The following NBPF20 variants were observed in gnomAD, a reference collection of about 807,000 sequenced individuals.
The protein encoded by NBPF20 is NBPF member 20, also known as NBPF family member NBPF20.
A neutral mutation model predicts 68.1 loss-of-function variants in NBPF20; 90 were observed. The ratio of observed to expected loss-of-function variants is 1.32; its 90% CI spans 1.11 to 1.58. The LOEUF (loss-of-function observed/expected upper bound fraction) is 1.58, where lower values mean the gene tolerates loss of function less well. NBPF20 is among the 40% of genes most tolerant of loss of function. NBPF20 has a pLI of 0.00. For synonymous variants in NBPF20, 290 were observed against 228.1 expected (o/e 1.27, Z -2.45); for missense variants, 816 against 601.2 (o/e 1.36, Z -3.74).
At chr1:145,410,922 T>C in the NBPF20 span, among the ~76,000 whole-genome samples, 1 of 130,070 alleles carries the variant, frequency 7.7e-6, no homozygotes, top group Non-Finnish European at 1.5e-5. Context: ...TGTGTGTGTG[T>C]ATACATATAT....
At chr1:145,405,730 C>A (rs2101593069), upstream of NBPF20, 3 of 483,956 alleles carry the variant, frequency 6.2e-6, no homozygotes, top group Non-Finnish European at 7.3e-6. Context: ...ATTCGTGTAC[C>A]CTTGTGACAA....
intron 6 of NBPF20, among the ~76,000 whole-genome samples, chr1:145,399,592 T>C (rs1553664747): frequency 2.3e-5 from 3 of 132,394 alleles, no homozygotes; most frequent in Admixed American, 1.6e-4. Context: ...CCCTGGCCAA[T>C]ATGGGGAAAC....
intron 6 of NBPF20, among the ~76,000 whole-genome samples, chr1:145,399,912 T>C (rs76864764): frequency 3.8e-4 from 57 of 151,828 alleles, no homozygotes; most frequent in South Asian, 2.1e-3. Context: ...GAAAAGTTTC[T>C]GTCCTGATTT....
At chr1:145,410,797 C>CAT in the NBPF20 span, among the ~76,000 whole-genome samples, 18 of 72,954 alleles carry the variant, frequency 2.5e-4, no homozygotes, top group African/African-American at 1.2e-3. Flanking sequence ...CATATATATA[C>CAT]GTATATGTAT....
intron 73 of NBPF20, among the ~76,000 whole-genome samples, chr1:145,342,814 G>C (rs1353123211): frequency 0.048 from 4,977 of 102,656 alleles, 14 homozygotes; most frequent in Non-Finnish European, 0.063. Context: ...CACACACACA[G>C]AGAGAACGAG....
At chr1:145,291,427 T>C (rs1353739329) in exon 138 of NBPF20, 9 of 1,609,442 alleles carry the variant, frequency 5.6e-6, no homozygotes, top group Middle Eastern at 2.3e-4. Flanking sequence ...ACCCATCCTA[T>C]GTCTGGGCTT....
chr1:145,393,593 A>C (rs1188688466), intron 9 of NBPF20: 2 of 653,626 alleles, frequency 3.1e-6, no homozygotes, highest in South Asian at 3.8e-5. Flanking sequence ...GATCATGAAA[A>C]GCATGTCCTC....
At chr1:145,292,265 G>T in intron 137 of NBPF20, 116 bp downstream of exon 142, 1 of 617,322 alleles carries the variant, frequency 1.6e-6, no homozygotes, top group East Asian at 2.7e-5. Context: ...AGCAATGACA[G>T]TAGGAGTAAT....
At chr1:145,395,671 A>T (rs1662197870) in intron 7 of NBPF20, among the ~76,000 whole-genome samples, 2 of 149,258 alleles carry the variant, frequency 1.3e-5, no homozygotes, top group Non-Finnish European at 2.9e-5. Flanking sequence ...ATTTAAACAC[A>T]TCGGAGAGAA....
At position 145,393,196 on chromosome 1, in the gene NBPF20, G is replaced by C. The variant is rs1661996210; in HGVS notation, c.1094C>G (p.Ser365Ter). Residue 365 changes from serine (S) to a stop codon, truncating the protein, a stop_gained, in exon 10 of 138, where the codon TCA becomes TGA. Coordinates refer to ENST00000369373, the Ensembl canonical transcript of NBPF20. LOFTEE classifies it high-confidence loss of function. The stretch of plus-strand genomic sequence containing the variant: ...AGGAGTTGAATAACATCTATCCAGT[G>C]AGTCCTGCAAGACTTCAGGCCCTTT... The C allele has an allele frequency of 1.6e-6, 1 of 610,852 alleles. No individual in the cohort carries two copies. Among genetic ancestry groups the C allele is most frequent in the Non-Finnish European group, 2.9e-6 (1 of 348,170 alleles). 37.8% of individuals were successfully genotyped at this position (610,852 alleles called of 1,614,324 possible). A position where few individuals can be genotyped will look rare whatever the true frequency, so the allele number is the denominator to read the frequency against.
the NBPF20 span, among the ~76,000 whole-genome samples, chr1:145,422,711 G>A: frequency 6.0e-4 from 92 of 152,302 alleles, 1 homozygote; most frequent in Middle Eastern, 6.8e-3. Context: ...AATCATAGCC[G>A]GGTGGGGTGG....
At chr1:145,404,634 A>T (rs1553666515) in intron 2 of NBPF20, among the ~76,000 whole-genome samples, 3 of 152,178 alleles carry the variant, frequency 2.0e-5, no homozygotes, top group Non-Finnish European at 4.4e-5. Context: ...GAAGCCCCTC[A>T]GAGCAGGTAC....
chr1:145,393,791 A>G (rs1553662943), intron 9 of NBPF20, 93 bp downstream of exon 14: 4 of 1,357,884 alleles, frequency 2.9e-6, no homozygotes, highest in Non-Finnish European at 4.2e-6. Context: ...CTGACAAGAC[A>G]AAATCATTAT....
rs1158917317 is a variant in NBPF20, at chr1:145,402,389, G to A, written c.279-8C>T. ...ACCAGGACTTTATATTGCCTAAGGT[G>A]AGACGGTAGAGAAAATTTAAGAGTG... On this transcript the variant is annotated splice_region_variant and splice_polypyrimidine_tract_variant and intron_variant, in intron 3 of 137. Coordinates refer to ENST00000369373, the Ensembl canonical transcript of NBPF20. The A allele has an allele frequency of 1.1e-5, 17 of 1,601,712 alleles. No homozygotes were observed. The highest frequency in any genetic ancestry group is 4.5e-5 in the East Asian group (2 of 44,822).
At chr1:145,290,324 C>T (rs1487975931) in exon 138 of NBPF20, 2 of 149,318 alleles carry the variant, frequency 1.3e-5, no homozygotes, top group Non-Finnish European at 2.9e-5. Context: ...CTAGACCCCT[C>T]CTTAACCAAG....
the NBPF20 span, among the ~76,000 whole-genome samples, chr1:145,425,024 G>A: frequency 6.6e-6 from 1 of 152,132 alleles, no homozygotes; most frequent in Non-Finnish European, 1.5e-5. Flanking sequence ...CGAGGGTGGG[G>A]TGCGGGGTCA....
intron 136 of NBPF20, among the ~76,000 whole-genome samples, chr1:145,292,791 T>A (rs1661222280): frequency 1.2e-5 from 1 of 84,142 alleles, no homozygotes; most frequent in Non-Finnish European, 2.2e-5. Flanking sequence ...TACCCTCAAA[T>A]GATTTCTAGG....
chr1:145,417,367 T>G, the NBPF20 span, among the ~76,000 whole-genome samples: 1 of 145,310 alleles, frequency 6.9e-6, no homozygotes, highest in Non-Finnish European at 1.5e-5. Context: ...TCCTAAGAGA[T>G]AAAATAGGAG....
the NBPF20 span, among the ~76,000 whole-genome samples, chr1:145,419,097 A>AAGGG: frequency 1.3e-3 from 170 of 126,232 alleles, 1 homozygote; most frequent in Middle Eastern, 7.9e-3. Context: ...GGAAGGAAGG[A>AAGGG]AGGGAGGGAG....
Sources: allele counts gnomAD v4.1 joint callset (sites outside exome capture counted in the v4.1 genomes callset), GRCh38; gene constraint gnomAD v4.1.1; transcripts MANE v1.5; gene names NCBI Gene and HGNC (gene_info 2026-07-23, HGNC 2026-07-21).